Variants in ANXA5 observed in about 807,000 individuals in gnomAD.
ANXA5 encodes the protein CBP-I.
Under a neutral mutation model 48.1 loss-of-function variants are expected in ANXA5, and 40 were observed. The observed-to-expected ratio is 0.83, with a 90% CI of 0.65 to 1.08. ANXA5 has a LOEUF of 1.08. Ranked by LOEUF, ANXA5 falls within the 50% of genes least tolerant of loss-of-function variation. ANXA5 has a pLI of 0.00. For synonymous variants in ANXA5, 113 were observed against 129.1 expected (o/e 0.88, Z 0.85); for missense variants, 357 against 376.8 (o/e 0.95, Z 0.44).
At position 121,672,597 on chromosome 4, in the gene ANXA5, C is replaced by T. The variant is rs770960160; in HGVS notation, c.561G>A (p.Trp187Ter). ...QALFQAGELKWGTDEEKFITI... is the reference protein window; with the variant it reads ...QALFQAGELK ...TGATAAACTTTTCTTCATCTGTCCC[C>T]CATTTAAGTTCTCCAGCCTGAAATA... Residue 187 changes from tryptophan to a stop codon, truncating the protein, a stop_gained, in exon 9 of 13, where the codon TGG becomes TGA. Coordinates refer to ENST00000296511, the MANE Select transcript of ANXA5 (RefSeq NM_001154.4). LOFTEE classifies it high-confidence loss of function. 9 of 1,613,672 alleles carry T rather than the reference C, an allele frequency of 5.6e-6. No individual in the cohort carries two copies. Among genetic ancestry groups the T allele is most frequent in the South Asian group, 2.2e-5 (2 of 91,060 alleles).
chr4:121,685,707 C>A (rs1225625683), intron 3 of ANXA5, among the ~76,000 whole-genome samples: 1 of 152,116 alleles, frequency 6.6e-6, no homozygotes, highest in Non-Finnish European at 1.5e-5. Context: ...TTTTAAATGA[C>A]TAGAAAAGAG....
chr4:121,683,848 T>C (rs1392820489), intron 4 of ANXA5, among the ~76,000 whole-genome samples: 1 of 152,182 alleles, frequency 6.6e-6, no homozygotes, highest in Non-Finnish European at 1.5e-5. Flanking sequence ...GGACAACATT[T>C]AGTCTCTCAT....
intron 6 of ANXA5, among the ~76,000 whole-genome samples, chr4:121,680,812 T>C (rs1724781094): frequency 1.3e-5 from 2 of 152,192 alleles, no homozygotes; most frequent in African/African-American, 4.8e-5. Flanking sequence ...TTACTGCCTA[T>C]AAAAAGAGAA....
chr4:121,674,274 G>A (rs1440502223), intron 8 of ANXA5, among the ~76,000 whole-genome samples: 6 of 118,552 alleles, frequency 5.1e-5, no homozygotes, highest in Non-Finnish European at 8.9e-5. Flanking sequence ...AAGGAGAAGG[G>A]AGGGGAAGGA....
chr4:121,669,253 A>C, intron 12 of ANXA5: 1 of 182,212 alleles, frequency 5.5e-6, no homozygotes, highest in Non-Finnish European at 1.1e-5. Context: ...AAAAGCTGAT[A>C]TGAAATAAAA....
intron 6 of ANXA5, chr4:121,681,325 G>A (rs887499018): frequency 1.2e-5 from 2 of 165,078 alleles, no homozygotes; most frequent in African/African-American, 4.8e-5. Context: ...CCTAAATTTT[G>A]CTAGCATAAA....
intron 8 of ANXA5, among the ~76,000 whole-genome samples, chr4:121,676,107 A>G (rs1383205977): frequency 6.6e-6 from 1 of 152,166 alleles, no homozygotes; most frequent in Non-Finnish European, 1.5e-5. Context: ...GGAATGAGAG[A>G]ATCAGCACTA....
chr4:121,669,935 G>A lies in ANXA5; in HGVS notation c.780+19C>T. 2 of 1,567,376 alleles carry A rather than the reference G, an allele frequency of 1.3e-6. No individual in the cohort carries two copies. Among genetic ancestry groups the A allele is most frequent in the Non-Finnish European group, 1.7e-6 (2 of 1,148,682 alleles). ...GAAAGAGAAATGTATTAGATAGAAG[G>A]TTCATGGTCTCCACTTACCTTCATA... is the stretch of plus-strand genomic sequence containing the variant. On this transcript the variant is annotated intron_variant, in intron 11 of 12. Coordinates refer to ENST00000296511, the MANE Select transcript of ANXA5 (RefSeq NM_001154.4).
chr4:121,675,548 A>G (rs1222955733), intron 8 of ANXA5, among the ~76,000 whole-genome samples: 3 of 152,210 alleles, frequency 2.0e-5, no homozygotes, highest in Non-Finnish European at 4.4e-5. Context: ...CATGTTCTGT[A>G]TTGCTCCTAG....
At chr4:121,683,049 T>C (rs2110485656) in intron 5 of ANXA5, among the ~76,000 whole-genome samples, 1 of 152,126 alleles carries the variant, frequency 6.6e-6, no homozygotes, top group African/African-American at 2.4e-5. Flanking sequence ...AAAGATAAAA[T>C]AGCTCATCTG....
chr4:121,671,665 C>T, intron 9 of ANXA5, 23 bp from the exon 10 acceptor site: 3 of 1,481,992 alleles, frequency 2.0e-6, no homozygotes, highest in African/African-American at 1.4e-5. Flanking sequence ...AAAATGATTC[C>T]CTAATCATGT....
rs750780903 is a variant in ANXA5, at chr4:121,672,548, A to G, written c.610T>C (p.Ser204Pro). Residue 204 changes from serine (S) to proline (P), a missense_variant, in exon 9 of 13, where the codon TCT becomes CCT. Ser to Pro is a moderately conservative substitution (Grantham distance 74). Transcript: ENST00000296511. The stretch of plus-strand genomic sequence containing the variant: ...TTTCACTCACCCTTTCTCAAATGAG[A>G]CACACTTCGTGTTCCAAAGATGGTG... Reference protein sequence around the residue: ...FITIFGTRSVSHLRKVFDKYM... With the variant: ...FITIFGTRSVPHLRKVFDKYM... The G allele has an allele frequency of 1.2e-6, 2 of 1,613,594 alleles. No individual in the cohort carries two copies. Among genetic ancestry groups the G allele is most frequent in the Non-Finnish European group, 1.7e-6 (2 of 1,179,662 alleles).
Position 121,686,338 on chromosome 4 carries a change from A to T in ANXA5, c.44T>A (p.Phe15Tyr). 1.2e-6 allele frequency: 2 copies of T among 1,614,180 alleles called. No individual in the cohort carries two copies. ...LRGTVTDFPG[F>Y]DERADAETLR... Reference sequence around the variant, plus strand: ...AGTTTCTGCATCAGCCCGCTCATCAAATCCAGGGAAGTCAGTCACAGTGCC... The same window carrying T: ...AGTTTCTGCATCAGCCCGCTCATCATATCCAGGGAAGTCAGTCACAGTGCC... The change falls in exon 3 of 13, where the codon TTT becomes TAT. Residue 15 changes from phenylalanine to tyrosine, a missense_variant. Phe to Tyr is a conservative substitution (Grantham distance 22, BLOSUM62 3). Coordinates refer to ENST00000296511, the MANE Select transcript of ANXA5 (RefSeq NM_001154.4).
chr4:121,678,315 C>T (rs760277434), intron 7 of ANXA5, 100 bp downstream of exon 7: 3 of 968,920 alleles, frequency 3.1e-6, no homozygotes, highest in Non-Finnish European at 4.7e-6. Flanking sequence ...GCAAGTACCA[C>T]AAATTATTAA....
chr4:121,680,115 T>G (rs1724765307), intron 6 of ANXA5, among the ~76,000 whole-genome samples: 1 of 152,178 alleles, frequency 6.6e-6, no homozygotes, highest in South Asian at 2.1e-4. Context: ...TTCAATTTTT[T>G]TAGATTCAAC....
chr4:121,695,924 AC>A (rs898904702), intron 2 of ANXA5, among the ~76,000 whole-genome samples: 14 of 151,844 alleles, frequency 9.2e-5, no homozygotes, highest in Admixed American at 8.5e-4. Flanking sequence ...AAAAAAAAAA[AC>A]AGTAAAGAAA....
intron 2 of ANXA5, among the ~76,000 whole-genome samples, chr4:121,690,549 A>G (rs939289581): frequency 6.6e-6 from 1 of 152,226 alleles, no homozygotes; most frequent in Non-Finnish European, 1.5e-5. Flanking sequence ...AACAGTTTGC[A>G]AAGCAGGCTT....
chr4:121,682,310 G>T (rs1724807383), intron 5 of ANXA5, among the ~76,000 whole-genome samples: 1 of 152,002 alleles, frequency 6.6e-6, no homozygotes, highest in South Asian at 2.1e-4. Flanking sequence ...AAGGAATTGG[G>T]ACTTGCTTTC....
At chr4:121,683,524 A>G (rs1429520003) in intron 4 of ANXA5, 47 bp from the exon 5 acceptor site, 4 of 1,099,514 alleles carry the variant, frequency 3.6e-6, no homozygotes, top group Admixed American at 1.8e-5. Context: ...AAATTGTAAT[A>G]AGATTCTTCT....
Sources: gnomAD v4.1 joint callset for allele counts (sites outside exome capture counted in the v4.1 genomes callset) on GRCh38, gnomAD v4.1.1 for gene constraint, MANE v1.5 for transcripts, NCBI Gene and HGNC (gene_info 2026-07-23, HGNC 2026-07-21) for gene names.